The following GLRA1 variants were observed in gnomAD, a reference collection of about 807,000 sequenced individuals.
The protein encoded by GLRA1 is glycine receptor subunit alpha-1.
GLRA1 carries 37 observed loss-of-function variants against 48.3 expected under a neutral mutation model. The ratio of observed to expected loss-of-function variants is 0.77; its 90% CI spans 0.59 to 1.01. GLRA1 has a LOEUF of 1.01. GLRA1 is among the 50% of genes least tolerant of loss of function. The pLI is 0.00. For missense variants in GLRA1, 427 were observed against 571.0 expected (o/e 0.75, Z 2.57); for synonymous variants, 196 against 210.7 (o/e 0.93, Z 0.60).
intron 1 of GLRA1, among the ~76,000 whole-genome samples, chr5:151,896,028 C>T (rs1359337639): frequency 6.6e-6 from 1 of 152,316 alleles, no homozygotes; most frequent in Non-Finnish European, 1.5e-5. Context: ...GCGATCTCTT[C>T]GCCCTTAGGC....
chr5:151,919,318 A>G (rs1000501378), intron 1 of GLRA1, among the ~76,000 whole-genome samples: 3 of 152,258 alleles, frequency 2.0e-5, no homozygotes, highest in Admixed American at 2.0e-4. Context: ...AGAGCCAAAC[A>G]GAATCATTGA....
chr5:151,839,132 T>C (rs1487633738), intron 7 of GLRA1, among the ~76,000 whole-genome samples: 1 of 152,224 alleles, frequency 6.6e-6, no homozygotes, highest in Non-Finnish European at 1.5e-5. Context: ...AGGAAAAGAC[T>C]GCCAATTTTT....
rs1549622 is a variant in GLRA1 at position 151,886,488 on chromosome 5, T to C, written c.252+233A>G. Among the ~76,000 whole-genome samples the C allele has an allele frequency of 0.19, 28,575 of 152,212 alleles. 3,343 individuals are homozygous for C. Among genetic ancestry groups the C allele is most frequent in the East Asian group, 0.32 (1,677 of 5,174 alleles). On this transcript the variant is annotated intron_variant, in intron 3 of 8. Transcript: ENST00000274576. ...ATAATTTTGTTTTTGTAATCCTGGG[T>C]GTTTGGCAGGTGCTTGCCCTGCTAG...
chr5:151,921,078 A>C (rs1046446965), intron 1 of GLRA1, among the ~76,000 whole-genome samples: 1 of 152,210 alleles, frequency 6.6e-6, no homozygotes, highest in African/African-American at 2.4e-5. Flanking sequence ...TCAGTACAAA[A>C]TCCAGTGCAA....
chr5:151,842,142 A>G (rs1456270895), intron 7 of GLRA1, among the ~76,000 whole-genome samples: 1 of 152,102 alleles, frequency 6.6e-6, no homozygotes, highest in Non-Finnish European at 1.5e-5. Flanking sequence ...TCGACAAAGA[A>G]TTGTCCAGGA....
chr5:151,839,163 TA>T (rs1763650194), intron 7 of GLRA1, among the ~76,000 whole-genome samples: 3 of 152,220 alleles, frequency 2.0e-5, no homozygotes, highest in African/African-American at 7.2e-5. Context: ...CTGTATCCCT[TA>T]AAAATGAAAA....
chr5:151,924,443 T>C, intron 1 of GLRA1, 51 bp downstream of exon 1: 1 of 1,133,210 alleles, frequency 8.8e-7, no homozygotes, highest in Non-Finnish European at 1.4e-6. Flanking sequence ...GCCTCCGTAC[T>C]CTTTCCCCCC....
rs763201143 is a variant in GLRA1 at position 151,855,083 on chromosome 5, C to T, written c.654G>A (p.Lys218=). 1 of 1,614,116 alleles carries T rather than the reference C, an allele frequency of 6.2e-7. No individual in the cohort carries two copies. The highest frequency in any genetic ancestry group is 8.5e-7 in the Non-Finnish European group (1 of 1,179,992). Residue 218 remains lysine, a synonymous_variant, in exon 6 of 9, where the codon AAG becomes AAA. Coordinates refer to ENST00000274576, the MANE Select transcript of GLRA1 (RefSeq NM_000171.4). ...DGLTLPQFIL[K]EEKDLRYCTK... ...TGCAGTATCTCAAGTCCTTCTCTTC[C>T]TTCAAGATAAACTGGGGCAGAGTTA...
At chr5:151,832,999 A>C (rs749452408) in intron 7 of GLRA1, among the ~76,000 whole-genome samples, 3 of 152,228 alleles carry the variant, frequency 2.0e-5, no homozygotes, top group Non-Finnish European at 2.9e-5. Flanking sequence ...AATATTCAAC[A>C]ATCTTAAAGA....
intron 3 of GLRA1, among the ~76,000 whole-genome samples, chr5:151,881,340 G>A (rs1753757126): frequency 7.2e-6 from 1 of 139,852 alleles, no homozygotes; most frequent in African/African-American, 2.7e-5. Flanking sequence ...TTTTTTTTGA[G>A]ACAGAGCCTC....
rs964803653 is a variant in GLRA1 at position 151,897,483 on chromosome 5, A to G, written c.57-5045T>C. ...TTTTTTTTTCAGAGATTACTAAAAT[A>G]CAATGGGTGAATCAGACTCAGTTTA... On this transcript the variant is annotated intron_variant, in intron 1 of 8. Coordinates refer to ENST00000274576, the MANE Select transcript of GLRA1 (RefSeq NM_000171.4). Among the ~76,000 whole-genome samples the G allele has an allele frequency of 3.3e-5, 5 of 152,310 alleles. No homozygotes were observed. The East Asian group carries it at 9.6e-4, about 29-fold the overall frequency.
chr5:151,852,521 G>T (rs1419606315), intron 6 of GLRA1, among the ~76,000 whole-genome samples: 1 of 152,228 alleles, frequency 6.6e-6, no homozygotes, highest in African/African-American at 2.4e-5. Context: ...CTGGAACTGG[G>T]ATGGGGCCAG....
At chr5:151,836,876 G>A (rs2113306845) in intron 7 of GLRA1, among the ~76,000 whole-genome samples, 1 of 152,162 alleles carries the variant, frequency 6.6e-6, no homozygotes, top group African/African-American at 2.4e-5. Flanking sequence ...CAGGACATAG[G>A]CCCAAACAAA....
intron 6 of GLRA1, among the ~76,000 whole-genome samples, chr5:151,853,018 C>G (rs924549441): frequency 6.6e-6 from 1 of 152,088 alleles, no homozygotes; most frequent in Non-Finnish European, 1.5e-5. Context: ...TATGATCTCA[C>G]TTATATGTGG....
chr5:151,831,483 C>A (rs991353326), intron 7 of GLRA1, among the ~76,000 whole-genome samples: 18 of 152,216 alleles, frequency 1.2e-4, no homozygotes, highest in African/African-American at 4.3e-4. Context: ...TCCACCATTA[C>A]TGAGGCTTGA....
At chr5:151,906,625 A>G (rs1754478739) in intron 1 of GLRA1, among the ~76,000 whole-genome samples, 1 of 152,210 alleles carries the variant, frequency 6.6e-6, no homozygotes, top group Non-Finnish European at 1.5e-5. Flanking sequence ...ACTTAATAAA[A>G]TAATTTTTTT....
At chr5:151,831,103 G>C (rs976218344) in intron 7 of GLRA1, among the ~76,000 whole-genome samples, 2 of 152,218 alleles carry the variant, frequency 1.3e-5, no homozygotes, top group Non-Finnish European at 2.9e-5. Flanking sequence ...CATGAGGGAT[G>C]GTGCACTCCG....
intron 7 of GLRA1, among the ~76,000 whole-genome samples, chr5:151,848,022 G>T (rs1318537286): frequency 6.6e-6 from 1 of 152,232 alleles, no homozygotes. Flanking sequence ...AACAGCAAAT[G>T]TGGTGTTTAA....
At chr5:151,905,516 T>G (rs1754454307) in intron 1 of GLRA1, among the ~76,000 whole-genome samples, 1 of 152,154 alleles carries the variant, frequency 6.6e-6, no homozygotes, top group Non-Finnish European at 1.5e-5. Context: ...TTTCAATTTT[T>G]AGCTATTATA....
Sources: gnomAD v4.1 joint callset for allele counts (sites outside exome capture counted in the v4.1 genomes callset) on GRCh38, gnomAD v4.1.1 for gene constraint, MANE v1.5 for transcripts, NCBI Gene and HGNC (gene_info 2026-07-23, HGNC 2026-07-21) for gene names.